The following ZDHHC7 variants were observed in gnomAD, a reference collection of about 807,000 sequenced individuals.
ZDHHC7 encodes the protein zDHHC palmitoyltransferase 7.
Under a neutral mutation model 34.1 loss-of-function variants are expected in ZDHHC7, and 12 were observed. That is an observed-to-expected ratio of 0.35 (90% CI 0.23 to 0.57). The LOEUF (loss-of-function observed/expected upper bound fraction) is 0.57, where lower values mean the gene tolerates loss of function less well. Among genes scored for constraint, ZDHHC7 ranks in the 20% least tolerant of loss-of-function variants. The pLI is 0.84. For synonymous variants in ZDHHC7, 185 were observed against 155.4 expected, an observed-to-expected ratio of 1.19 and a Z score of -1.42; for missense variants, 388 against 402.7, an observed-to-expected ratio of 0.96 and a Z score of 0.31.
intron 1 of ZDHHC7, among the ~76,000 whole-genome samples, chr16:84,996,953 G>A (rs149482924): frequency 2.0e-4 from 30 of 151,690 alleles, no homozygotes; most frequent in African/African-American, 6.3e-4. Context: ...TTGAACCCAC[G>A]AGGCGGAGGT....
chr16:84,993,480 G>T (rs74812970), intron 2 of ZDHHC7, among the ~76,000 whole-genome samples: 1,354 of 109,668 alleles, frequency 0.012, 19 homozygotes, highest in African/African-American at 0.047. Flanking sequence ...AAACAAAATT[G>T]TTTTTTTTTT....
intron 1 of ZDHHC7, among the ~76,000 whole-genome samples, chr16:85,003,668 G>A (rs763433456): frequency 2.6e-5 from 4 of 152,144 alleles, no homozygotes; most frequent in Admixed American, 6.5e-5. Flanking sequence ...ATGCTGGCAC[G>A]TAAGTCATAC....
intron 2 of ZDHHC7, among the ~76,000 whole-genome samples, chr16:84,995,521 G>A (rs2072565083): frequency 1.3e-5 from 2 of 152,286 alleles, no homozygotes; most frequent in African/African-American, 2.4e-5. Context: ...AGCTACTAGG[G>A]AGGCTGAGGC....
In ZDHHC7 at chr16:84,990,341, G is replaced by A; in HGVS notation, c.278C>T (p.Ala93Val). Residue 93 changes from alanine (A) to valine (V), a missense_variant, in exon 3 of 8, where the codon GCC becomes GTC. By Grantham distance (64) the Ala-to-Val change is moderately conservative. Transcript: ENST00000313732. ...CATGGTTCTCAGGTGGGATGACAGG[G>A]CAAGCACGGCCAAGCAGTTAAAGAT... ...GVIFNCLAVL[A>V]LSSHLRTMLT... 6.2e-7 allele frequency: 1 copy of A among 1,614,090 alleles called. No individual in the cohort carries two copies. Among genetic ancestry groups the A allele is most frequent in the Non-Finnish European group, 8.5e-7 (1 of 1,180,008 alleles).
Position 84,976,507 on chromosome 16 carries a change from A to G in ZDHHC7, c.763T>C (p.Leu255=), listed in dbSNP as rs773058060. Residue 255 remains leucine, a synonymous_variant, in exon 8 of 8, where the codon TTG becomes CTG. Transcript: ENST00000313732. ...ICNDETEIER[L]KSEKPTWERR... is the part of the protein sequence containing the mutation. ...TCCCATGTGGGCTTCTCACTTTTCA[A>G]TCGCTCGATCTCCTGGAAGCAGAAA... 11 of 1,613,338 alleles carry G rather than the reference A, an allele frequency of 6.8e-6. No homozygotes were observed. The highest frequency in any genetic ancestry group is 6.6e-5 in the South Asian group (6 of 91,046).
Position 84,976,217 on chromosome 16 carries a change from C to G in ZDHHC7, c.*126G>C, listed in dbSNP as rs2072294762. On this transcript the variant is annotated 3_prime_UTR_variant, in exon 8 of 8. Transcript: ENST00000313732. The stretch of plus-strand genomic sequence containing the variant: ...CTATAAATATATAAAACTCTGCTTG[C>G]TGCAAGCAATTGGTTTGTGTAGGTT... 1 of 1,213,262 alleles carries G rather than the reference C, an allele frequency of 8.2e-7. No individual in the cohort carries two copies. Among genetic ancestry groups the G allele is most frequent in the Admixed American group, 2.3e-5 (1 of 44,210 alleles). The allele number at this position is 1,213,262 out of a possible 1,614,324, so 75.2% of individuals were successfully genotyped here.
intron 3 of ZDHHC7, 52 bp downstream of exon 3, chr16:84,990,252 G>A: frequency 6.3e-7 from 1 of 1,583,512 alleles, no homozygotes; most frequent in Non-Finnish European, 8.6e-7. Flanking sequence ...CCACACCCGA[G>A]GACACTAGAC....
the ZDHHC7 span, among the ~76,000 whole-genome samples, chr16:85,024,078 T>A: frequency 1.3e-5 from 2 of 151,650 alleles, no homozygotes; most frequent in Admixed American, 6.6e-5. Flanking sequence ...CCACCACGCT[T>A]GACTAATTTT....
rs2072571405 is a variant in ZDHHC7 at position 84,995,952 on chromosome 16, C to CATTT, written c.-52_-49dup. The CATTT allele has an allele frequency of 6.6e-6, 1 of 152,242 alleles. No homozygotes were observed. Among genetic ancestry groups the CATTT allele is most frequent in the Non-Finnish European group, 1.5e-5 (1 of 68,040 alleles). 9.4% of individuals were successfully genotyped at this position (152,242 alleles called of 1,614,324 possible). A position where few individuals can be genotyped will look rare whatever the true frequency, so the allele number is the denominator to read the frequency against. On this transcript the variant is annotated 5_prime_UTR_variant, in exon 2 of 8. It adds an upstream start codon to the 5' untranslated region. Coordinates refer to ENST00000313732, the MANE Select transcript of ZDHHC7 (RefSeq NM_017740.3). ...AAGTTATTTCTAAACATCACTTGAA[C>CATTT]ATTTTGTGCCGTTTCTTCAGGATCT...
chr16:84,985,991 G>A (rs1011616035), intron 3 of ZDHHC7, among the ~76,000 whole-genome samples: 1 of 144,228 alleles, frequency 6.9e-6, no homozygotes, highest in Non-Finnish European at 1.5e-5. Flanking sequence ...TGAGACAATT[G>A]AGGAAATCTG....
At chr16:84,996,834 C>G (rs954621588) in intron 1 of ZDHHC7, among the ~76,000 whole-genome samples, 1 of 152,052 alleles carries the variant, frequency 6.6e-6, no homozygotes, top group Non-Finnish European at 1.5e-5. Context: ...CAAGACCAGC[C>G]TGGCCAAGAT....
chr16:84,984,122 C>A (rs1041600435), intron 3 of ZDHHC7, among the ~76,000 whole-genome samples: 2 of 151,050 alleles, frequency 1.3e-5, no homozygotes, highest in Non-Finnish European at 2.9e-5. Context: ...GGGGTTCAAG[C>A]GATTCTCCTG....
chr16:85,022,903 C>A, the ZDHHC7 span, among the ~76,000 whole-genome samples: 2 of 152,140 alleles, frequency 1.3e-5, no homozygotes, highest in African/African-American at 2.4e-5. Context: ...TCCTATGGAA[C>A]AACTGGCCTG....
chr16:85,022,484 C>G, the ZDHHC7 span, among the ~76,000 whole-genome samples: 1 of 152,126 alleles, frequency 6.6e-6, no homozygotes, highest in Non-Finnish European at 1.5e-5. Flanking sequence ...GATTGCGCCA[C>G]TGGACTCCAG....
intron 4 of ZDHHC7, among the ~76,000 whole-genome samples, chr16:84,980,560 C>A (rs2072354608): frequency 6.6e-6 from 1 of 151,990 alleles, no homozygotes; most frequent in African/African-American, 2.4e-5. Context: ...ATCCCAGCTA[C>A]TAGGGAGGCT....
At chr16:85,022,040 G>C in the ZDHHC7 span, among the ~76,000 whole-genome samples, 1 of 150,226 alleles carries the variant, frequency 6.7e-6, no homozygotes, top group African/African-American at 2.5e-5. Context: ...GGCGCCTGTA[G>C]TCCCAGCTAC....
the ZDHHC7 span, among the ~76,000 whole-genome samples, chr16:85,021,797 G>T: frequency 1.3e-5 from 2 of 151,592 alleles, no homozygotes; most frequent in South Asian, 4.2e-4. Context: ...AGAGAAGAGG[G>T]GAGGGGAGGA....
At chr16:84,978,056 G>T (rs762021757) in intron 5 of ZDHHC7, 51 bp from the exon 6 acceptor site, 2 of 1,455,750 alleles carry the variant, frequency 1.4e-6, no homozygotes, top group Non-Finnish European at 1.9e-6. Flanking sequence ...ATTTTTTTTA[G>T]AAACAGAGTC....
intron 3 of ZDHHC7, among the ~76,000 whole-genome samples, chr16:84,986,220 C>G (rs1430909302): frequency 2.6e-5 from 4 of 152,326 alleles, no homozygotes; most frequent in Admixed American, 1.3e-4. Context: ...TCTTTTCTTC[C>G]TACCGTGCAC....
Sources: gnomAD v4.1 joint callset for allele counts (sites outside exome capture counted in the v4.1 genomes callset) on GRCh38, gnomAD v4.1.1 for gene constraint, MANE v1.5 for transcripts, NCBI Gene and HGNC (gene_info 2026-07-23, HGNC 2026-07-21) for gene names.